Variants in TAB1 observed in about 807,000 individuals in gnomAD.
TAB1 encodes the protein TGF-beta-activated kinase 1 and MAP3K7-binding protein 1.
A neutral mutation model predicts 54.5 loss-of-function variants in TAB1; 30 were observed. That is an observed-to-expected ratio of 0.55 (90% CI 0.41 to 0.75). The LOEUF (loss-of-function observed/expected upper bound fraction) is 0.75, where lower values mean the gene tolerates loss of function less well. TAB1 is among the 30% of genes least tolerant of loss of function. The probability of loss-of-function intolerance (pLI) is 0.00; values close to 1 mark genes in which losing one functional copy is unlikely to be tolerated. For synonymous variants in TAB1, 289 were observed against 286.9 expected (o/e 1.01, Z -0.07); for missense variants, 609 against 683.2 (o/e 0.89, Z 1.21).
intron 1 of TAB1, among the ~76,000 whole-genome samples, chr22:39,401,693 A>G (rs1320328712): frequency 6.6e-6 from 1 of 152,208 alleles, no homozygotes; most frequent in Non-Finnish European, 1.5e-5. Context: ...CCTTTTTTAA[A>G]GCAAGAATAG....
At position 39,415,469 on chromosome 22, in the gene TAB1, C is replaced by G; in HGVS notation, c.171-31C>G. ...CTCCACCTCCGTGAGACCCTGGTCT[C>G]AGGCCTCCCTCTGCCCTCTCCCTCT... On this transcript the variant is annotated intron_variant, in intron 2 of 10. Coordinates refer to ENST00000216160, the MANE Select transcript of TAB1 (RefSeq NM_006116.3). This position sits in a 1 kb window ranked among gnomAD's most constrained non-coding sequence, Gnocchi z 4.9. 1 of 1,603,312 alleles carries G rather than the reference C, an allele frequency of 6.2e-7. No homozygotes were observed. Among genetic ancestry groups the G allele is most frequent in the Non-Finnish European group, 8.5e-7 (1 of 1,170,904 alleles).
intron 1 of TAB1, among the ~76,000 whole-genome samples, chr22:39,410,787 C>G (rs1569194995): frequency 6.6e-6 from 1 of 152,136 alleles, no homozygotes; most frequent in Non-Finnish European, 1.5e-5. Flanking sequence ...CCAAATTGAT[C>G]TGTAGATTTA....
At chr22:39,423,433 C>T (rs1359252657) in intron 8 of TAB1, among the ~76,000 whole-genome samples, 2 of 152,108 alleles carry the variant, frequency 1.3e-5, no homozygotes, top group East Asian at 1.9e-4. Flanking sequence ...GGTGAAGCCC[C>T]GTCTCTACTA....
At chr22:39,429,333 G>A (rs936186864) in intron 10 of TAB1, 15 of 985,340 alleles carry the variant, frequency 1.5e-5, no homozygotes, top group Non-Finnish European at 1.7e-5. Context: ...GTTGGGACGG[G>A]TTTAGAGAGA....
At chr22:39,399,916 C>A (rs772252321) in intron 1 of TAB1, 81 bp downstream of exon 1, 2 of 1,475,786 alleles carry the variant, frequency 1.4e-6, no homozygotes, top group Non-Finnish European at 1.9e-6. Flanking sequence ...GGCTCCTTCT[C>A]CGAGTTTGGA....
intron 9 of TAB1, 90 bp downstream of exon 9, chr22:39,427,015 G>A: frequency 7.7e-7 from 1 of 1,298,612 alleles, no homozygotes. Flanking sequence ...TTGAAACGGA[G>A]ATGGAGTCAG....
intron 1 of TAB1, among the ~76,000 whole-genome samples, chr22:39,413,583 A>T (rs1389235256): frequency 6.6e-6 from 1 of 151,968 alleles, no homozygotes; most frequent in Non-Finnish European, 1.5e-5. Flanking sequence ...TGCCTGGCTA[A>T]TTTTTTTGTG....
Position 39,415,113 on chromosome 22 carries a change from C to T in TAB1, c.141C>T (p.His47=), listed in dbSNP as rs1926766453. 1 of 1,603,380 alleles carries T rather than the reference C, an allele frequency of 6.2e-7. No individual in the cohort carries two copies. Among genetic ancestry groups the T allele is most frequent in the Non-Finnish European group, 8.5e-7 (1 of 1,172,826 alleles). The change falls in exon 2 of 11, where the codon CAC becomes CAT. Residue 47 remains histidine (H), a synonymous_variant. Transcript: ENST00000216160. The surrounding 1 kb of genome is among the most constrained non-coding windows in gnomAD (Gnocchi z 4.9). ...CTGATGGCAAGGGCACTGAGAGCCA[C>T]CCGCCAGAGGACAGCTGGCTCAAGT... ...YSADGKGTES[H]PPEDSWLKFR...
chr22:39,406,840 A>G (rs909094933), intron 1 of TAB1, among the ~76,000 whole-genome samples: 8 of 152,208 alleles, frequency 5.3e-5, no homozygotes, highest in African/African-American at 1.4e-4. Context: ...TCACCGTGTT[A>G]GCCAGGATGG....
downstream of TAB1, chr22:39,432,903 C>T (rs754380935): frequency 2.8e-5 from 28 of 985,252 alleles, no homozygotes; most frequent in African/African-American, 5.2e-5. Flanking sequence ...AGGGGAAGCT[C>T]GGGAATGGGT....
At chr22:39,416,515 C>T (rs1297716779) in intron 3 of TAB1, among the ~76,000 whole-genome samples, 2 of 152,228 alleles carry the variant, frequency 1.3e-5, no homozygotes, top group Non-Finnish European at 2.9e-5. Context: ...TCTTAGCTTC[C>T]GCACTGTCTC....
downstream of TAB1, chr22:39,433,617 T>G: frequency 1.0e-6 from 1 of 985,352 alleles, no homozygotes; most frequent in Non-Finnish European, 1.2e-6. Context: ...ACCGTCCTGG[T>G]CTGGTCGTCT....
rs143506704 is a variant in TAB1, at chr22:39,418,838, G to T, written c.657G>T (p.Ser219=). 6.2e-7 allele frequency: 1 copy of T among 1,613,432 alleles called. No individual in the cohort carries two copies. Among genetic ancestry groups the T allele is most frequent in the South Asian group, 1.1e-5 (1 of 91,050 alleles). Residue 219 remains serine, a synonymous_variant, in exon 6 of 11, where the codon TCG becomes TCT. Transcript: ENST00000216160. ...TENEDELFRL[S]QLGLDAGKIK... is the part of the protein sequence containing the mutation. ...ACGAGGATGAGCTCTTCCGTCTTTC[G>T]CAGCTGGGTGAGTGGGGAGAGTGGG... is the stretch of plus-strand genomic sequence containing the variant.
At position 39,415,453 on chromosome 22, in the gene TAB1, C is replaced by G. The variant is rs559834644; in HGVS notation, c.171-47C>G. ...TCCTTTCCCTTTCTCCCTCCACCTC[C>G]GTGAGACCCTGGTCTCAGGCCTCCC... On this transcript the variant is annotated intron_variant, in intron 2 of 10. Coordinates refer to ENST00000216160, the MANE Select transcript of TAB1 (RefSeq NM_006116.3). The surrounding 1 kb of genome is among the most constrained non-coding windows in gnomAD (Gnocchi z 4.9). The G allele has an allele frequency of 6.3e-6, 10 of 1,596,032 alleles. No homozygotes were observed. The highest frequency in any genetic ancestry group is 6.0e-6 in the Non-Finnish European group (7 of 1,165,100).
chr22:39,432,656 G>T, downstream of TAB1: 1 of 728,768 alleles, frequency 1.4e-6, no homozygotes, highest in Non-Finnish European at 1.7e-6. Context: ...GAGAGAGAGA[G>T]AGACATGGTG....
At chr22:39,406,433 GA>G (rs1926368579) in intron 1 of TAB1, among the ~76,000 whole-genome samples, 1 of 147,122 alleles carries the variant, frequency 6.8e-6, no homozygotes, top group Non-Finnish European at 1.5e-5. Flanking sequence ...TCATTTGAGT[GA>G]AAGATAGTTT....
At chr22:39,411,906 G>A (rs2069238931) in intron 1 of TAB1, among the ~76,000 whole-genome samples, 1 of 152,200 alleles carries the variant, frequency 6.6e-6, no homozygotes, top group African/African-American at 2.4e-5. Flanking sequence ...GAGAGAGAGA[G>A]ACTGTTGATG....
At chr22:39,410,633 G>A (rs991525626) in intron 1 of TAB1, among the ~76,000 whole-genome samples, 8 of 151,452 alleles carry the variant, frequency 5.3e-5, no homozygotes, top group African/African-American at 1.9e-4. Flanking sequence ...ATTAGAAGGC[G>A]TTAGTAGCTT....
At chr22:39,406,205 C>T (rs1241031598) in intron 1 of TAB1, among the ~76,000 whole-genome samples, 1 of 151,956 alleles carries the variant, frequency 6.6e-6, no homozygotes, top group African/African-American at 2.4e-5. Flanking sequence ...CAAGACCAGC[C>T]TGGCCAAGAT....
Sources: gnomAD v4.1 joint callset for allele counts (sites outside exome capture counted in the v4.1 genomes callset) on GRCh38, gnomAD v4.1.1 for gene constraint, Gnocchi (gnomAD v3.1) non-coding constraint, MANE v1.5 for transcripts, NCBI Gene and HGNC (gene_info 2026-07-23, HGNC 2026-07-21) for gene names.